The following TEAD4 variants were observed in gnomAD, a reference collection of about 807,000 sequenced individuals.
TEAD4 encodes the protein TEA domain transcription factor 4, also known as transcriptional enhancer factor TEF-3.
Under a neutral mutation model 52.4 loss-of-function variants are expected in TEAD4, and 36 were observed. The observed-to-expected ratio is 0.69, with a 90% CI of 0.53 to 0.91. The LOEUF is 0.91. TEAD4 is among the 40% of genes least tolerant of loss of function. TEAD4 has a pLI of 0.00. For synonymous variants in TEAD4, 220 were observed against 231.0 expected (o/e 0.95, Z 0.43); for missense variants, 508 against 583.9 (o/e 0.87, Z 1.34).
chr12:3,008,853 C>A (rs954855479), intron 3 of TEAD4, among the ~76,000 whole-genome samples: 2 of 152,122 alleles, frequency 1.3e-5, no homozygotes, highest in African/African-American at 4.8e-5. Flanking sequence ...GAGGAGCAAC[C>A]AAGAACCGTA....
intron 3 of TEAD4, among the ~76,000 whole-genome samples, chr12:3,000,103 C>G (rs116294857): frequency 0.019 from 2,878 of 152,270 alleles, 99 homozygotes; most frequent in African/African-American, 0.062. Context: ...GGTCTCTGCT[C>G]TCCACAACTT....
intron 2 of TEAD4, among the ~76,000 whole-genome samples, chr12:2,975,837 A>G (rs1565525216): frequency 6.6e-6 from 1 of 152,042 alleles, no homozygotes; most frequent in African/African-American, 2.4e-5. Flanking sequence ...GGTTCCGTTT[A>G]TTCATCCCTC....
rs1401806513 is a variant in TEAD4 at position 3,017,345 on chromosome 12, C to T, written c.355-53C>T. ...GACCCGAGGGCCGGACCTGCCTGGC[C>T]TCAGCCTGACTAGTGACCCTGCTGA... On this transcript the variant is annotated intron_variant, in intron 5 of 12. Coordinates refer to ENST00000359864, the MANE Select transcript of TEAD4 (RefSeq NM_003213.4). 4.3e-6 allele frequency: 7 copies of T among 1,612,056 alleles called. No homozygotes were observed. The African/African-American group carries it at 8.0e-5, about 18-fold the overall frequency.
chr12:3,018,747 G>C (rs1400637315), intron 7 of TEAD4, among the ~76,000 whole-genome samples, 159 bp downstream of exon 7: 4 of 152,100 alleles, frequency 2.6e-5, no homozygotes, highest in Non-Finnish European at 4.4e-5. Flanking sequence ...CTCTTCTACT[G>C]TCAGCCATCA....
At chr12:2,986,084 C>G (rs377466739) in intron 2 of TEAD4, among the ~76,000 whole-genome samples, 1 of 151,736 alleles carries the variant, frequency 6.6e-6, no homozygotes, top group South Asian at 2.1e-4. Context: ...AATACTCCAT[C>G]TCAAAAAAAT....
At chr12:2,981,987 G>A (rs1407659301) in intron 2 of TEAD4, among the ~76,000 whole-genome samples, 1 of 152,138 alleles carries the variant, frequency 6.6e-6, no homozygotes, top group Non-Finnish European at 1.5e-5. Flanking sequence ...AGTTGTGAGG[G>A]GCTTAGGGAT....
intron 3 of TEAD4, among the ~76,000 whole-genome samples, chr12:3,008,558 G>A (rs2153956401): frequency 6.6e-6 from 1 of 152,298 alleles, no homozygotes; most frequent in South Asian, 2.1e-4. Context: ...CTTGGAGCAG[G>A]GAATACAGGT....
Position 3,023,297 on chromosome 12 carries a change from G to A in TEAD4, c.897+1280G>A, listed in dbSNP as rs559409365. ...TGGGCTCTGGAGTGAAGTTGAAGCC[G>A]TAGGTAAAGAGGGAATAAGAGGAGA... On this transcript the variant is annotated intron_variant, in intron 10 of 12. Coordinates refer to ENST00000359864, the MANE Select transcript of TEAD4 (RefSeq NM_003213.4). Among the ~76,000 whole-genome samples the A allele has an allele frequency of 2.1e-4, 32 of 152,298 alleles. No individual in the cohort carries two copies. In the South Asian group the frequency reaches 5.4e-3, roughly 26 times the overall value.
intron 4 of TEAD4, 68 bp from the exon 5 acceptor site, chr12:3,012,102 C>A: frequency 6.4e-7 from 1 of 1,556,068 alleles, no homozygotes; most frequent in Non-Finnish European, 8.8e-7. Context: ...GGGCGAGAGT[C>A]AGGAAGCCAG....
intron 2 of TEAD4, among the ~76,000 whole-genome samples, chr12:2,988,747 G>A (rs996900555): frequency 6.6e-6 from 1 of 152,062 alleles, no homozygotes; most frequent in Non-Finnish European, 1.5e-5. Flanking sequence ...AGGGGCTGAA[G>A]GTCAAGTTGA....
rs1048773978 is a variant in TEAD4 at position 2,959,637 on chromosome 12, TC to T, written c.-123+159del. Among the ~76,000 whole-genome samples the T allele has an allele frequency of 4.0e-5, 6 of 150,650 alleles. No individual in the cohort carries two copies. Among genetic ancestry groups the T allele is most frequent in the Non-Finnish European group, 5.9e-5 (4 of 67,598 alleles). Reference sequence around the variant, plus strand: ...GACCTCTGCGCTCCGACGCGCTCCGTCCCGACCTCTGGCTTCCCTCCGCGCT... The same window carrying T: ...GACCTCTGCGCTCCGACGCGCTCCGTCCGACCTCTGGCTTCCCTCCGCGCT... On this transcript the variant is annotated intron_variant, in intron 1 of 12. Coordinates refer to ENST00000359864, the MANE Select transcript of TEAD4 (RefSeq NM_003213.4). This position sits in a 1 kb window ranked among gnomAD's most constrained non-coding sequence, Gnocchi z 5.1.
Position 3,017,534 on chromosome 12 carries a change from G to A in TEAD4, c.483+8G>A, listed in dbSNP as rs992464518. ...CGCCCAGCAGTCTCAGGGGTAAGTGGGCTGCCGAGAGCTGGAGGCCAGGCC... is the reference window on the plus strand; with the variant it reads ...CGCCCAGCAGTCTCAGGGGTAAGTGAGCTGCCGAGAGCTGGAGGCCAGGCC... On this transcript the variant is annotated splice_region_variant and intron_variant, in intron 6 of 12. Coordinates refer to ENST00000359864, the MANE Select transcript of TEAD4 (RefSeq NM_003213.4). The A allele has an allele frequency of 1.5e-5, 24 of 1,610,986 alleles. No homozygotes were observed. The highest frequency in any genetic ancestry group is 4.0e-5 in the African/African-American group (3 of 74,754).
chr12:2,978,496 G>A (rs1163763642), intron 2 of TEAD4, among the ~76,000 whole-genome samples: 2 of 149,556 alleles, frequency 1.3e-5, no homozygotes, highest in Non-Finnish European at 3.0e-5. Context: ...CGCTGCCTCC[G>A]GGGTTCAAGT....
At chr12:2,977,540 A>C (rs2098230777) in intron 2 of TEAD4, among the ~76,000 whole-genome samples, 1 of 152,172 alleles carries the variant, frequency 6.6e-6, no homozygotes, top group Non-Finnish European at 1.5e-5. Context: ...GCTGCCGTGC[A>C]TTGCCTTGCA....
chr12:2,994,813 C>T lies in TEAD4; in HGVS notation c.47C>T (p.Pro16Leu). ...ATTACCTCCAACGAGTGGAGCTCTC[C>T]CACCTCCCCTGAGGGGAGCACCGCC... The change falls in exon 3 of 13, where the codon CCC becomes CTC. Residue 16 changes from proline to leucine, a missense_variant. Transcript: ENST00000359864. The surrounding 1 kb of genome is among the most constrained non-coding windows in gnomAD (Gnocchi z 4.7). 1 of 1,613,856 alleles carries T rather than the reference C, an allele frequency of 6.2e-7. No homozygotes were observed.
chr12:3,023,173 G>A (rs1046426496), intron 10 of TEAD4, among the ~76,000 whole-genome samples: 1 of 152,142 alleles, frequency 6.6e-6, no homozygotes, highest in Non-Finnish European at 1.5e-5. Flanking sequence ...CAGCGGAATG[G>A]AAGTTGGACC....
chr12:2,995,091 A>G, intron 3 of TEAD4, 99 bp downstream of exon 3: 1 of 1,446,308 alleles, frequency 6.9e-7, no homozygotes, highest in Non-Finnish European at 9.3e-7. Flanking sequence ...GGGGATGACC[A>G]CTTGGGGCTT....
At chr12:2,966,080 C>T (rs892268765) in intron 2 of TEAD4, among the ~76,000 whole-genome samples, 4 of 152,070 alleles carry the variant, frequency 2.6e-5, no homozygotes, top group Non-Finnish European at 1.5e-5. Context: ...AAGTGAGATA[C>T]CTAGTAGCCA....
intron 11 of TEAD4, 67 bp downstream of exon 11, chr12:3,038,175 T>C: frequency 6.4e-7 from 1 of 1,555,652 alleles, no homozygotes; most frequent in Non-Finnish European, 8.7e-7. Flanking sequence ...ATGGCTTCCA[T>C]TTGCTTTCAG....
Sources: allele counts gnomAD v4.1 joint callset (sites outside exome capture counted in the v4.1 genomes callset), GRCh38; gene constraint gnomAD v4.1.1; non-coding constraint Gnocchi (gnomAD v3.1); transcripts MANE v1.5; gene names NCBI Gene and HGNC (gene_info 2026-07-23, HGNC 2026-07-21).